RPA1: variants seen among roughly 807,000 people sequenced by gnomAD.
RPA1 encodes replication protein A 70 kDa DNA-binding subunit.
RPA1 carries 49 observed loss-of-function variants against 83.0 expected under a neutral mutation model. The observed-to-expected ratio is 0.59, with a 90% CI of 0.47 to 0.75. The LOEUF (loss-of-function observed/expected upper bound fraction) is 0.75, where lower values mean the gene tolerates loss of function less well. Among genes scored for constraint, RPA1 ranks in the 30% least tolerant of loss-of-function variants. RPA1 has a pLI of 0.00. For synonymous variants in RPA1, 279 were observed against 281.8 expected (o/e 0.99, Z 0.10); for missense variants, 693 against 776.1 (o/e 0.89, Z 1.27).
At position 1,879,189 on chromosome 17, in the gene RPA1, G is replaced by C. The variant is rs200052034; in HGVS notation, c.760-26G>C. On this transcript the variant is annotated intron_variant, in intron 9 of 16. Coordinates refer to ENST00000254719, the MANE Select transcript of RPA1 (RefSeq NM_002945.5). Reference sequence around the variant, plus strand: ...CTGTCCGATTTGATGGTAGTCTCAGGTTCTGTGGCTTGGCCTCCTTCGCAG... The same window carrying C: ...CTGTCCGATTTGATGGTAGTCTCAGCTTCTGTGGCTTGGCCTCCTTCGCAG... 57 of 1,611,468 alleles carry C rather than the reference G, an allele frequency of 3.5e-5. No homozygotes were observed. The African/African-American group carries it at 6.5e-4, about 18-fold the overall frequency.
rs201385234 is a variant in RPA1, at chr17:1,879,706, G to T, written c.1092+7G>T. On this transcript the variant is annotated splice_region_variant and intron_variant, in intron 11 of 16. Coordinates refer to ENST00000254719, the MANE Select transcript of RPA1 (RefSeq NM_002945.5). The stretch of plus-strand genomic sequence containing the variant: ...TACACTGTGGGGGGAAGATGTAAGT[G>T]CTGGGATGGGGTCTTCAACACGCAC... 1.2e-4 allele frequency: 186 copies of T among 1,614,162 alleles called. 1 individual carries two copies. The African/African-American group carries it at 2.2e-3, about 19-fold the overall frequency.
chr17:1,841,455 C>G (rs1414352606), intron 1 of RPA1, among the ~76,000 whole-genome samples: 1 of 152,144 alleles, frequency 6.6e-6, no homozygotes, highest in East Asian at 1.9e-4. Flanking sequence ...AGGCATGCGC[C>G]ACCACGCCCA....
intron 5 of RPA1, among the ~76,000 whole-genome samples, chr17:1,864,914 A>G (rs887929764): frequency 6.6e-6 from 1 of 152,144 alleles, no homozygotes; most frequent in Non-Finnish European, 1.5e-5. Context: ...AATAAAATAA[A>G]AACAAATTAG....
intron 5 of RPA1, among the ~76,000 whole-genome samples, chr17:1,857,563 G>A (rs1055072771): frequency 1.3e-5 from 2 of 151,728 alleles, no homozygotes; most frequent in Non-Finnish European, 2.9e-5. Flanking sequence ...CTGTGTAGGT[G>A]TTAATGGCCT....
intron 1 of RPA1, among the ~76,000 whole-genome samples, chr17:1,837,216 A>G (rs1911860818): frequency 6.6e-6 from 1 of 152,032 alleles, no homozygotes; most frequent in African/African-American, 2.4e-5. Flanking sequence ...TGATCCTCCC[A>G]CCTTGGCCTC....
intron 1 of RPA1, among the ~76,000 whole-genome samples, chr17:1,835,043 G>A (rs905894984): frequency 6.6e-6 from 1 of 152,066 alleles, no homozygotes. Flanking sequence ...GTAGAGATGA[G>A]GTTTCGTCAT....
At position 1,862,610 on chromosome 17, in the gene RPA1, G is replaced by A. The variant is rs184565493; in HGVS notation, c.361+9421G>A. On this transcript the variant is annotated intron_variant, in intron 5 of 16. Coordinates refer to ENST00000254719, the MANE Select transcript of RPA1 (RefSeq NM_002945.5). ...ATTTTTGTATTTTTAGTAGAGATGGGGTTTCACCATGTTGGCCAGGTTGGT... is the reference window on the plus strand; with the variant it reads ...ATTTTTGTATTTTTAGTAGAGATGGAGTTTCACCATGTTGGCCAGGTTGGT... Among the ~76,000 whole-genome samples, 472 of 148,500 alleles carry A rather than the reference G, an allele frequency of 3.2e-3. 3 individuals carry two copies. The highest frequency in any genetic ancestry group is 6.0e-3 in the Admixed American group (90 of 14,878).
chr17:1,843,922 C>A lies in RPA1; in HGVS notation c.87C>A (p.Asn29Lys). 1 of 1,613,622 alleles carries A rather than the reference C, an allele frequency of 6.2e-7. No homozygotes were observed. Among genetic ancestry groups the A allele is most frequent in the Non-Finnish European group, 8.5e-7 (1 of 1,179,720 alleles). Residue 29 changes from asparagine (N) to lysine (K), a missense_variant and splice_region_variant, in exon 3 of 17, where the codon AAC (asparagine) becomes AAA (lysine). Asn to Lys is a moderately conservative substitution (Grantham distance 94). Coordinates refer to ENST00000254719, the MANE Select transcript of RPA1 (RefSeq NM_002945.5). ...TNIKPILQVINIRPITTGNSP... is the reference protein window; with the variant it reads ...TNIKPILQVIKIRPITTGNSP... ...ATGAATCAAGTTTTCTGTCCTAGAA[C>A]ATCCGTCCCATTACTACGGGGAATA...
At chr17:1,848,190 A>T (rs1358174539) in intron 4 of RPA1, among the ~76,000 whole-genome samples, 1 of 152,208 alleles carries the variant, frequency 6.6e-6, no homozygotes, top group East Asian at 1.9e-4. Flanking sequence ...TGCAAAACCC[A>T]TAGGATTATC....
intron 13 of RPA1, among the ~76,000 whole-genome samples, chr17:1,886,743 G>A (rs139155712): frequency 0.034 from 4,299 of 126,548 alleles, 101 homozygotes; most frequent in Non-Finnish European, 0.046. Context: ...GTCTCACTCT[G>A]TCACCCAGGC....
intron 13 of RPA1, among the ~76,000 whole-genome samples, chr17:1,885,875 A>G (rs1370127555): frequency 6.6e-6 from 1 of 152,070 alleles, no homozygotes; most frequent in Non-Finnish European, 1.5e-5. Context: ...AGTCAAAATT[A>G]CTCCTTGATT....
intron 5 of RPA1, chr17:1,872,190 G>C (rs1428957106): frequency 1.9e-6 from 1 of 537,508 alleles, no homozygotes; most frequent in African/African-American, 1.9e-5. Flanking sequence ...CATTAACACT[G>C]AAGGCTATCA....
intron 5 of RPA1, among the ~76,000 whole-genome samples, chr17:1,866,889 G>A (rs929472620): frequency 6.6e-6 from 1 of 152,218 alleles, no homozygotes; most frequent in African/African-American, 2.4e-5. Context: ...TCTGTTCCCT[G>A]GTTTCACTGA....
At chr17:1,887,149 AG>A (rs1247889588) in intron 13 of RPA1, among the ~76,000 whole-genome samples, 1 of 152,186 alleles carries the variant, frequency 6.6e-6, no homozygotes, top group Non-Finnish European at 1.5e-5. Context: ...GAAGAGAGAC[AG>A]GAATACTTGA....
intron 6 of RPA1, 81 bp downstream of exon 6, chr17:1,872,607 G>C: frequency 6.4e-7 from 1 of 1,556,320 alleles, no homozygotes; most frequent in Non-Finnish European, 8.7e-7. Flanking sequence ...TGGGACTAAA[G>C]GGAGTTTTCC....
At chr17:1,891,423 C>T (rs892191447) in intron 14 of RPA1, among the ~76,000 whole-genome samples, 3 of 151,766 alleles carry the variant, frequency 2.0e-5, no homozygotes, top group Non-Finnish European at 4.4e-5. Context: ...CCAGCTGCAC[C>T]TCGACAGGAA....
chr17:1,888,818 A>G lies in RPA1; in HGVS notation c.1518A>G (p.Glu506=). 1 of 1,614,038 alleles carries G rather than the reference A, an allele frequency of 6.2e-7. No homozygotes were observed. Among genetic ancestry groups the G allele is most frequent in the Middle Eastern group, 1.7e-4 (1 of 6,060 alleles). The change falls in exon 14 of 17, where the codon GAA becomes GAG. Residue 506 remains glutamate, a synonymous_variant. Coordinates refer to ENST00000254719, the MANE Select transcript of RPA1 (RefSeq NM_002945.5). The part of the protein sequence containing the change: ...GLYRCEKCDT[E]FPNFKYRMIL... ...ACCGCTGTGAGAAGTGCGACACCGA[A>G]TTTCCCAATTTCAAGTACCGCATGA...
chr17:1,841,851 C>T (rs912969845), intron 1 of RPA1, among the ~76,000 whole-genome samples: 7 of 152,014 alleles, frequency 4.6e-5, no homozygotes, highest in East Asian at 1.9e-4. Context: ...TTGCCTTTTC[C>T]GTATCTATTC....
At chr17:1,866,734 T>C (rs374242285) in intron 5 of RPA1, among the ~76,000 whole-genome samples, 4 of 152,272 alleles carry the variant, frequency 2.6e-5, no homozygotes, top group Admixed American at 2.0e-4. Flanking sequence ...GTGCTGGGAT[T>C]ACAGGCGGGG....
Sources: allele counts gnomAD v4.1 joint callset (sites outside exome capture counted in the v4.1 genomes callset), GRCh38; gene constraint gnomAD v4.1.1; transcripts MANE v1.5; gene names NCBI Gene and HGNC (gene_info 2026-07-23, HGNC 2026-07-21).